Variants in RPS6KA5 observed in about 807,000 individuals in gnomAD.
RPS6KA5 encodes the protein ribosomal protein S6 kinase A5, also known as ribosomal protein S6 kinase alpha-5.
A neutral mutation model predicts 85.5 loss-of-function variants in RPS6KA5; 27 were observed. The observed-to-expected ratio is 0.32, with a 90% CI of 0.23 to 0.44. RPS6KA5 has a LOEUF of 0.44. Among genes scored for constraint, RPS6KA5 ranks in the 20% least tolerant of loss-of-function variants. The pLI, the probability that RPS6KA5 is intolerant of heterozygous loss-of-function variation, is 1.00. For synonymous variants in RPS6KA5, 334 were observed against 348.2 expected, an observed-to-expected ratio of 0.96 and a Z score of 0.46; for missense variants, 811 against 980.9, an observed-to-expected ratio of 0.83 and a Z score of 2.31.
chr14:90,910,583 A>G (rs2035752847), intron 7 of RPS6KA5, among the ~76,000 whole-genome samples: 1 of 147,848 alleles, frequency 6.8e-6, no homozygotes, highest in Admixed American at 6.6e-5. Context: ...GTTCACTAAA[A>G]TATAACAAAG....
chr14:91,033,433 T>C (rs1201961978), intron 1 of RPS6KA5, among the ~76,000 whole-genome samples: 1 of 151,766 alleles, frequency 6.6e-6, no homozygotes, highest in African/African-American at 2.4e-5. Flanking sequence ...AAACCCTGCC[T>C]CTACTAAAAA....
intron 6 of RPS6KA5, among the ~76,000 whole-genome samples, chr14:90,922,293 T>C (rs902211016): frequency 5.9e-5 from 9 of 152,140 alleles, no homozygotes; most frequent in African/African-American, 2.2e-4. Flanking sequence ...TTCCGAATGT[T>C]TTTCTAGTAG....
chr14:90,977,548 C>A (rs182243911), intron 3 of RPS6KA5, among the ~76,000 whole-genome samples: 1 of 152,336 alleles, frequency 6.6e-6, no homozygotes, highest in Admixed American at 6.5e-5. Context: ...GAATGCAAAG[C>A]ATCTCTAGGA....
chr14:90,943,188 G>A lies in RPS6KA5; in HGVS notation c.511-3C>T, dbSNP rs1349558146. ...ATATCACGATATATAATCCCCAACT[G>A]CAAAAACAAAGAAATATAAATTTTA... On this transcript the variant is annotated splice_region_variant and splice_polypyrimidine_tract_variant and intron_variant, in intron 4 of 16. Coordinates refer to ENST00000614987, the MANE Select transcript of RPS6KA5 (RefSeq NM_004755.4). 7 of 1,461,960 alleles carry A rather than the reference G, an allele frequency of 4.8e-6. No homozygotes were observed. In the Admixed American group the frequency reaches 5.3e-5, roughly 11 times the overall value. 90.6% of individuals were successfully genotyped at this position (1,461,960 alleles called of 1,614,324 possible). A position where few individuals can be genotyped will look rare whatever the true frequency, so the allele number is the denominator to read the frequency against.
At position 90,947,565 on chromosome 14, in the gene RPS6KA5, C is replaced by T. The variant is rs533555114; in HGVS notation, c.395-15G>A. ...ATTTATATAATCTAAAAATGAAATA[C>T]ATTTTTCTTTCTTAAACATGCATTC... On this transcript the variant is annotated splice_polypyrimidine_tract_variant and intron_variant, in intron 3 of 16. Coordinates refer to ENST00000614987, the MANE Select transcript of RPS6KA5 (RefSeq NM_004755.4). The T allele has an allele frequency of 1.7e-5, 25 of 1,451,804 alleles. No homozygotes were observed. The South Asian group carries it at 2.1e-4, about 12-fold the overall frequency. 89.9% of individuals were successfully genotyped at this position (1,451,804 alleles called of 1,614,324 possible).
Position 90,900,628 on chromosome 14 carries a change from T to C in RPS6KA5, c.1228A>G (p.Arg410Gly). Residue 410 changes from arginine (R) to glycine (G), a missense_variant, in exon 10 of 17, where the codon AGG (arginine) becomes GGG (glycine). Arg to Gly is a moderately radical substitution (Grantham distance 125, BLOSUM62 -2). Around this residue, in one of 3 missense-constraint regions of RPS6KA5, gnomAD observed 650 missense variants for 793.4 expected, o/e 0.82. Coordinates refer to ENST00000614987, the MANE Select transcript of RPS6KA5 (RefSeq NM_004755.4). ...VERPGVTNVA[R>G]SAMMKDSPFY... ...CTATATACCTTCATCATTGCACTCC[T>C]GGCAACATTTGTCACTCCAGGACGT... is the stretch of plus-strand genomic sequence containing the variant. 1 of 1,613,810 alleles carries C rather than the reference T, an allele frequency of 6.2e-7. No individual in the cohort carries two copies. Among genetic ancestry groups the C allele is most frequent in the Non-Finnish European group, 8.5e-7 (1 of 1,179,900 alleles).
At chr14:90,974,078 C>T (rs1438152922) in intron 3 of RPS6KA5, among the ~76,000 whole-genome samples, 1 of 140,530 alleles carries the variant, frequency 7.1e-6, no homozygotes, top group African/African-American at 2.6e-5. Flanking sequence ...AAACACCACA[C>T]AGAATATTTT....
chr14:90,929,136 A>G (rs73324672), intron 5 of RPS6KA5, among the ~76,000 whole-genome samples: 12,194 of 152,120 alleles, frequency 0.08, 905 homozygotes, highest in African/African-American at 0.2. Flanking sequence ...TAAAAATATA[A>G]TTTATCTACC....
intron 2 of RPS6KA5, among the ~76,000 whole-genome samples, chr14:90,998,827 T>C (rs993780108): frequency 1.3e-5 from 2 of 152,186 alleles, no homozygotes; most frequent in Admixed American, 1.3e-4. Flanking sequence ...ATTGGGCCTA[T>C]ATGGCATGCT....
chr14:90,990,997 C>G (rs2040283646), intron 2 of RPS6KA5, among the ~76,000 whole-genome samples: 1 of 151,970 alleles, frequency 6.6e-6, no homozygotes, highest in Non-Finnish European at 1.5e-5. Context: ...ATTCAGGTAA[C>G]AAACCTGAAC....
intron 3 of RPS6KA5, among the ~76,000 whole-genome samples, chr14:90,969,339 T>C (rs576732055): frequency 6.6e-6 from 1 of 152,348 alleles, no homozygotes; most frequent in South Asian, 2.1e-4. Flanking sequence ...CTGCTCGTCT[T>C]TGCACATCTG....
At chr14:91,044,771 TGAGGCAGGAGAATCGCTTGAACTCAG>T (rs1361185501) in intron 1 of RPS6KA5, among the ~76,000 whole-genome samples, 1 of 149,614 alleles carries the variant, frequency 6.7e-6, no homozygotes, top group African/African-American at 2.5e-5. Flanking sequence ...CTCGGGAAGC[TGAGGCAGGAGAATCGCTTGAACTCAG>T]GAGGCAGAGG....
intron 5 of RPS6KA5, among the ~76,000 whole-genome samples, chr14:90,933,952 C>A (rs957762029): frequency 1.4e-4 from 21 of 152,174 alleles, no homozygotes; most frequent in African/African-American, 5.1e-4. Context: ...GACTCTCTCA[C>A]TTCCTTCATG....
intron 3 of RPS6KA5, among the ~76,000 whole-genome samples, chr14:90,957,031 T>C (rs1008234106): frequency 7.0e-6 from 1 of 142,884 alleles, no homozygotes; most frequent in African/African-American, 2.6e-5. Flanking sequence ...CCTACTTCCA[T>C]CCCCAACCCT....
chr14:90,936,752 T>C (rs1017887066), intron 5 of RPS6KA5, among the ~76,000 whole-genome samples: 1 of 152,088 alleles, frequency 6.6e-6, no homozygotes. Context: ...GAGATAAGTA[T>C]AATATCATGA....
chr14:90,873,855 ACT>A, intron 15 of RPS6KA5, 60 bp from the exon 16 acceptor site: 1 of 1,447,346 alleles, frequency 6.9e-7, no homozygotes, highest in East Asian at 2.3e-5. Flanking sequence ...TTAAAAACAA[ACT>A]CAGAAATAAA....
intron 7 of RPS6KA5, among the ~76,000 whole-genome samples, chr14:90,912,289 C>A (rs533977055): frequency 6.4e-4 from 98 of 152,274 alleles, no homozygotes; most frequent in African/African-American, 2.2e-3. Flanking sequence ...TTAATGAAAT[C>A]AATTCCCTGC....
chr14:90,956,242 C>A (rs563259510), intron 3 of RPS6KA5, among the ~76,000 whole-genome samples: 1 of 152,208 alleles, frequency 6.6e-6, no homozygotes, highest in African/African-American at 2.4e-5. Flanking sequence ...ATATTTATAA[C>A]CAATCTTCAT....
intron 1 of RPS6KA5, among the ~76,000 whole-genome samples, chr14:91,023,798 A>G (rs1296649182): frequency 1.3e-5 from 2 of 152,124 alleles, no homozygotes; most frequent in African/African-American, 4.8e-5. Context: ...TAAAGCCCTG[A>G]GGATTTTTTA....
Sources: allele counts gnomAD v4.1 joint callset (sites outside exome capture counted in the v4.1 genomes callset), GRCh38; gene constraint gnomAD v4.1.1; regional missense constraint gnomAD v4.1.1; transcripts MANE v1.5; gene names NCBI Gene and HGNC (gene_info 2026-07-23, HGNC 2026-07-21).